ANKFN1: variants seen among roughly 807,000 people sequenced by gnomAD.
ANKFN1 encodes ankyrin repeat and fibronectin type III domain containing 1, also known as ankyrin repeat and fibronectin type-III domain-containing protein 1.
In ANKFN1, 74 loss-of-function variants were observed where a neutral mutation model predicts 108.7. The ratio of observed to expected loss-of-function variants is 0.68; its 90% CI spans 0.56 to 0.83. The LOEUF (loss-of-function observed/expected upper bound fraction) is 0.83, where lower values mean the gene tolerates loss of function less well. Ranked by LOEUF, ANKFN1 falls within the 40% of genes least tolerant of loss-of-function variation. The probability of loss-of-function intolerance (pLI) is 0.00; values close to 1 mark genes in which losing one functional copy is unlikely to be tolerated. For synonymous variants in ANKFN1, 547 were observed against 516.2 expected, an observed-to-expected ratio of 1.06 and a Z score of -0.81; for missense variants, 1,505 against 1,382.3, an observed-to-expected ratio of 1.09 and a Z score of -1.41.
chr17:56,185,778 T>C (rs535796715), intron 1 of ANKFN1, among the ~76,000 whole-genome samples: 1 of 152,332 alleles, frequency 6.6e-6, no homozygotes, highest in East Asian at 1.9e-4. Flanking sequence ...AGATTGGCCA[T>C]GGCCATTTTA....
chr17:56,262,965 G>C (rs2043556994), intron 3 of ANKFN1, among the ~76,000 whole-genome samples: 1 of 152,146 alleles, frequency 6.6e-6, no homozygotes, highest in Non-Finnish European at 1.5e-5. Context: ...GCAGCTCTTG[G>C]AACTGAATTA....
chr17:56,321,980 G>C (rs1323908324), intron 3 of ANKFN1, among the ~76,000 whole-genome samples: 1 of 152,082 alleles, frequency 6.6e-6, no homozygotes, highest in Non-Finnish European at 1.5e-5. Flanking sequence ...ATGCCCCCTG[G>C]AAATGGCCCT....
intron 3 of ANKFN1, among the ~76,000 whole-genome samples, chr17:56,290,910 G>A (rs2044346367): frequency 6.6e-6 from 1 of 152,060 alleles, no homozygotes; most frequent in South Asian, 2.1e-4. Flanking sequence ...GCTTTCATGA[G>A]CACCTGTCTC....
intron 11 of ANKFN1, among the ~76,000 whole-genome samples, chr17:56,456,089 T>G (rs1338472128): frequency 6.6e-6 from 1 of 152,232 alleles, no homozygotes; most frequent in South Asian, 2.1e-4. Context: ...CTTTCTGTAA[T>G]GTGCTTACAT....
At position 56,193,019 on chromosome 17, in the gene ANKFN1, T is replaced by C. The variant is rs1422501592; in HGVS notation, c.-70-19579T>C. ...AACCAACCCAAATGTCCAAAAATGA[T>C]AGACTGGATTAAGAAAATGTGGCAC... On this transcript the variant is annotated intron_variant, in intron 1 of 20. Coordinates refer to ENST00000682825, the MANE Select transcript of ANKFN1 (RefSeq NM_001370326.1). Among the ~76,000 whole-genome samples the C allele has an allele frequency of 2.4e-4, 32 of 132,040 alleles. No homozygotes were observed. In the East Asian group the frequency reaches 2.7e-3, roughly 11 times the overall value. The allele number at this position is 132,040 out of a possible 152,430, so 86.6% of individuals were successfully genotyped here.
intron 15 of ANKFN1, among the ~76,000 whole-genome samples, chr17:56,467,474 G>A (rs978485064): frequency 1.2e-4 from 18 of 151,908 alleles, no homozygotes; most frequent in African/African-American, 4.4e-4. Flanking sequence ...GAGGTCAGGG[G>A]TTCAAGACCA....
chr17:56,102,438 C>T, intron 4 of ANKFN1, among the ~76,000 whole-genome samples: 1 of 152,154 alleles, frequency 6.6e-6, no homozygotes, highest in East Asian at 1.9e-4. Flanking sequence ...TAATAAATTA[C>T]ATTTTACAGC....
Position 56,095,374 on chromosome 17 carries a change from C to T in ANKFN1, c.288+49049C>T, listed in dbSNP as rs1168670276. On this transcript the variant is annotated intron_variant, in intron 4 of 12. Coordinates refer to the ANKFN1 transcript ENST00000635860. Reference sequence around the variant, plus strand: ...TGTTGGAATCATAGCTCAGTGCAACCTTGAACTCCTAGGCTCAATCAATCC... The same window carrying T: ...TGTTGGAATCATAGCTCAGTGCAACTTTGAACTCCTAGGCTCAATCAATCC... Among the ~76,000 whole-genome samples, 5 of 150,590 alleles carry T rather than the reference C, an allele frequency of 3.3e-5. 1 individual carries two copies. The highest frequency in any genetic ancestry group is 2.0e-4 in the Admixed American group (3 of 15,072).
intron 15 of ANKFN1, among the ~76,000 whole-genome samples, chr17:56,468,549 A>G (rs1026222977): frequency 3.3e-5 from 5 of 152,082 alleles, no homozygotes; most frequent in Non-Finnish European, 7.4e-5. Flanking sequence ...ACAGCCACAG[A>G]GAGAAGGAAG....
intron 4 of ANKFN1, among the ~76,000 whole-genome samples, chr17:56,046,649 C>A (rs1016614306): frequency 1.3e-5 from 2 of 152,158 alleles, no homozygotes; most frequent in Admixed American, 1.3e-4. Context: ...TAGAGGGTTT[C>A]TTTCCCAAGT....
At chr17:56,180,286 T>C (rs1398841707) in intron 1 of ANKFN1, among the ~76,000 whole-genome samples, 2 of 152,192 alleles carry the variant, frequency 1.3e-5, no homozygotes, top group African/African-American at 4.8e-5. Flanking sequence ...CTGCCATTCT[T>C]TGTTCTATCT....
intron 11 of ANKFN1, among the ~76,000 whole-genome samples, chr17:56,453,962 G>T (rs73313446): frequency 6.6e-6 from 1 of 151,954 alleles, no homozygotes; most frequent in Non-Finnish European, 1.5e-5. Context: ...TCACAGTGAT[G>T]TACTAAGGCA....
intron 4 of ANKFN1, among the ~76,000 whole-genome samples, chr17:56,104,163 T>C (rs1479008657): frequency 1.3e-5 from 2 of 152,192 alleles, no homozygotes; most frequent in South Asian, 4.1e-4. Flanking sequence ...TGACCTGATG[T>C]CATTTAAACT....
intron 8 of ANKFN1, among the ~76,000 whole-genome samples, chr17:56,382,761 C>T (rs1297739924): frequency 2.6e-5 from 4 of 152,124 alleles, no homozygotes; most frequent in East Asian, 1.9e-4. Flanking sequence ...AAGGGATCAA[C>T]TCAACAAGAA....
chr17:56,336,049 A>C (rs1301533468), intron 4 of ANKFN1, among the ~76,000 whole-genome samples: 1 of 152,208 alleles, frequency 6.6e-6, no homozygotes, highest in Non-Finnish European at 1.5e-5. Context: ...CCAGCCTTGC[A>C]TCCCAGGGAT....
chr17:56,093,379 C>T (rs74317269), intron 4 of ANKFN1, among the ~76,000 whole-genome samples: 5,980 of 151,106 alleles, frequency 0.04, 509 homozygotes, highest in East Asian at 0.3. Context: ...TCCCTTCTGC[C>T]GTAGTGCTTG....
chr17:56,419,918 T>C (rs1372099478), intron 8 of ANKFN1, among the ~76,000 whole-genome samples: 9 of 152,120 alleles, frequency 5.9e-5, no homozygotes, highest in Admixed American at 5.9e-4. Flanking sequence ...CATGGGGCAA[T>C]GACTACATGG....
intron 3 of ANKFN1, chr17:56,254,067 T>G (rs549471767): frequency 6.6e-5 from 10 of 152,190 alleles, no homozygotes; most frequent in Non-Finnish European, 1.2e-4. Context: ...GCTGAAATTT[T>G]TCTAATGCTG....
intron 4 of ANKFN1, among the ~76,000 whole-genome samples, chr17:56,346,251 T>TCTGTTTTGGTACCAGTACCATG: frequency 6.6e-6 from 1 of 152,140 alleles, no homozygotes; most frequent in Admixed American, 6.6e-5. Flanking sequence ...GGTCTATATC[T>TCTGTTTTGGTACCAGTACCATG]CTGTTTTGGT....
Sources: allele counts gnomAD v4.1 joint callset (sites outside exome capture counted in the v4.1 genomes callset), GRCh38; gene constraint gnomAD v4.1.1; transcripts MANE v1.5; gene names NCBI Gene and HGNC (gene_info 2026-07-23, HGNC 2026-07-21).